Variants in ERO1B observed in about 807,000 individuals in gnomAD.
ERO1B encodes the protein ERO1-like protein beta.
In ERO1B, 49 loss-of-function variants were observed where a neutral mutation model predicts 75.3. The ratio of observed to expected loss-of-function variants is 0.65; its 90% CI spans 0.52 to 0.83. The LOEUF (loss-of-function observed/expected upper bound fraction) is 0.83, where lower values mean the gene tolerates loss of function less well. ERO1B is among the 40% of genes least tolerant of loss of function. The pLI is 0.00. For synonymous variants in ERO1B, 191 were observed against 192.9 expected (o/e 0.99, Z 0.08); for missense variants, 512 against 560.1 (o/e 0.91, Z 0.87).
chr1:236,252,426 C>T (rs2102956968), intron 3 of ERO1B, among the ~76,000 whole-genome samples: 1 of 152,144 alleles, frequency 6.6e-6, no homozygotes, highest in African/African-American at 2.4e-5. Flanking sequence ...ACTTTGTTAC[C>T]ATAGAAAAGA....
intron 10 of ERO1B, among the ~76,000 whole-genome samples, chr1:236,229,461 G>C (rs1258636260): frequency 5.3e-5 from 8 of 151,686 alleles, no homozygotes; most frequent in African/African-American, 1.7e-4. Flanking sequence ...AAGATAACAT[G>C]ACCAATTGAC....
intron 6 of ERO1B, among the ~76,000 whole-genome samples, chr1:236,240,712 C>G (rs1664677513): frequency 6.6e-6 from 1 of 152,190 alleles, no homozygotes; most frequent in Non-Finnish European, 1.5e-5. Context: ...ATTCTAGGCA[C>G]TAGGGATACA....
chr1:236,221,048 T>C, intron 14 of ERO1B, 83 bp from the exon 15 acceptor site: 1 of 1,040,408 alleles, frequency 9.6e-7, no homozygotes. Flanking sequence ...ATAGCCACTG[T>C]TATGCCAGTT....
chr1:236,249,648 A>G (rs1252833018), intron 5 of ERO1B, among the ~76,000 whole-genome samples: 1 of 152,202 alleles, frequency 6.6e-6, no homozygotes, highest in Non-Finnish European at 1.5e-5. Context: ...CAATCTTGTA[A>G]ATTTCTACTT....
intron 1 of ERO1B, among the ~76,000 whole-genome samples, chr1:236,275,573 G>C (rs1023122524): frequency 2.0e-5 from 3 of 152,110 alleles, no homozygotes; most frequent in Non-Finnish European, 4.4e-5. Context: ...GAGTTCTTAC[G>C]GAGCTAAATC....
At position 236,230,131 on chromosome 1, in the gene ERO1B, C is replaced by G. The variant is rs1215040481; in HGVS notation, c.712+93G>C. On this transcript the variant is annotated intron_variant, in intron 10 of 15. Transcript: ENST00000354619. ...TTTTCAAACTGTCAAAATTAGTTGACTAGGTAATAAAATCCTAGACCTTAC... is the reference window on the plus strand; with the variant it reads ...TTTTCAAACTGTCAAAATTAGTTGAGTAGGTAATAAAATCCTAGACCTTAC... The G allele has an allele frequency of 1.1e-5, 10 of 917,390 alleles. No individual in the cohort carries two copies. The East Asian group carries it at 1.4e-4, about 13-fold the overall frequency. The allele number at this position is 917,390 out of a possible 1,614,324, so 56.8% of individuals were successfully genotyped here.
rs772768121 is a variant in ERO1B at position 236,249,972 on chromosome 1, AAAG to A, written c.349-8_349-6del. The A allele has an allele frequency of 9.2e-5, 146 of 1,583,280 alleles. No homozygotes were observed. Among genetic ancestry groups the A allele is most frequent in the Non-Finnish European group, 6.0e-6 (7 of 1,166,054 alleles). On this transcript the variant is annotated splice_polypyrimidine_tract_variant and splice_region_variant and intron_variant, in intron 4 of 15. Coordinates refer to ENST00000354619, the MANE Select transcript of ERO1B (RefSeq NM_019891.4). The stretch of plus-strand genomic sequence containing the variant: ...ATTGTTTGCCATTTTCAAGTACTGC[AAAG>A]AAGTTCGTAAGTTTAGTAAAAATTA...
intron 1 of ERO1B, among the ~76,000 whole-genome samples, chr1:236,279,518 A>AAAAAAAAAAAAAAC (rs1366458707): frequency 6.7e-6 from 1 of 148,468 alleles, no homozygotes; most frequent in African/African-American, 2.5e-5. Flanking sequence ...AAAAAAAAAA[A>AAAAAAAAAAAAAAC]AACAGCACAG....
intron 1 of ERO1B, among the ~76,000 whole-genome samples, chr1:236,275,185 T>C (rs1490856664): frequency 6.6e-6 from 1 of 152,190 alleles, no homozygotes; most frequent in Non-Finnish European, 1.5e-5. Flanking sequence ...TGTCCAACAA[T>C]TCAATTCTGA....
At chr1:236,236,539 T>C in intron 6 of ERO1B, 141 bp from the exon 7 acceptor site, 8 of 816,316 alleles carry the variant, frequency 9.8e-6, no homozygotes, top group South Asian at 3.9e-5. Flanking sequence ...GGTATAGTGG[T>C]TAGTATACTT....
At chr1:236,219,538 T>TC (rs1664082829) in intron 15 of ERO1B, among the ~76,000 whole-genome samples, 1 of 152,248 alleles carries the variant, frequency 6.6e-6, no homozygotes, top group South Asian at 2.1e-4. Context: ...ACAATATTTT[T>TC]CATTTCAATT....
At chr1:236,223,243 G>A (rs575162409) in intron 13 of ERO1B, among the ~76,000 whole-genome samples, 11 of 151,862 alleles carry the variant, frequency 7.2e-5, no homozygotes, top group Admixed American at 6.6e-4. Flanking sequence ...TCCTACACTG[G>A]GGAAATTCTT....
At chr1:236,230,893 G>A (rs1254193) in intron 9 of ERO1B, among the ~76,000 whole-genome samples, 36,604 of 151,378 alleles carry the variant, frequency 0.24, 4,652 homozygotes, top group East Asian at 0.38. Flanking sequence ...CCAGGAGATC[G>A]GATCCAACCT....
intron 8 of ERO1B, among the ~76,000 whole-genome samples, chr1:236,235,235 C>T (rs369873591): frequency 6.6e-6 from 1 of 152,248 alleles, no homozygotes; most frequent in Non-Finnish European, 1.5e-5. Flanking sequence ...GTACATGAGT[C>T]GGCACCTGAG....
At chr1:236,227,144 G>A (rs1664299823) in intron 10 of ERO1B, among the ~76,000 whole-genome samples, 1 of 152,154 alleles carries the variant, frequency 6.6e-6, no homozygotes, top group Non-Finnish European at 1.5e-5. Flanking sequence ...TTTGCTAGCA[G>A]AGAAATAAGG....
intron 2 of ERO1B, among the ~76,000 whole-genome samples, chr1:236,256,361 T>C (rs528680884): frequency 6.6e-6 from 1 of 152,170 alleles, no homozygotes; most frequent in African/African-American, 2.4e-5. Flanking sequence ...GTGAGACTTC[T>C]TGCTTGAACG....
At chr1:236,219,031 G>T (rs1017291082) in intron 15 of ERO1B, among the ~76,000 whole-genome samples, 1 of 152,112 alleles carries the variant, frequency 6.6e-6, no homozygotes, top group Non-Finnish European at 1.5e-5. Flanking sequence ...TTCAGTAAAT[G>T]ATTACTGACT....
In ERO1B at chr1:236,249,884, C is replaced by A; in HGVS notation, c.431+1G>T. 1 of 1,572,386 alleles carries A rather than the reference C, an allele frequency of 6.4e-7. No homozygotes were observed. Among genetic ancestry groups the A allele is most frequent in the East Asian group, 2.3e-5 (1 of 43,346 alleles). The stretch of plus-strand genomic sequence containing the variant: ...CTTAATATTACCAAAATAAAACTTG[C>A]CTTAATGTGCTGTTAATTGCTCCCA... On this transcript the variant is annotated splice_donor_variant, in intron 5 of 15. Coordinates refer to ENST00000354619, the MANE Select transcript of ERO1B (RefSeq NM_019891.4). LOFTEE classifies it high-confidence loss of function.
chr1:236,275,498 A>G (rs1665691483), intron 1 of ERO1B, among the ~76,000 whole-genome samples: 1 of 152,188 alleles, frequency 6.6e-6, no homozygotes, highest in African/African-American at 2.4e-5. Flanking sequence ...CTCTCTCAAC[A>G]TGCCACCCTC....
Sources: gnomAD v4.1 joint callset for allele counts (sites outside exome capture counted in the v4.1 genomes callset) on GRCh38, gnomAD v4.1.1 for gene constraint, MANE v1.5 for transcripts, NCBI Gene and HGNC (gene_info 2026-07-23, HGNC 2026-07-21) for gene names.